Variants in EFCAB6 observed in about 807,000 individuals in gnomAD.
EFCAB6 encodes the protein EF-hand calcium binding domain 6.
EFCAB6 carries 156 observed loss-of-function variants against 169.8 expected under a neutral mutation model. The observed-to-expected ratio is 0.92, with a 90% CI of 0.81 to 1.05. The LOEUF (loss-of-function observed/expected upper bound fraction) is 1.05, where lower values mean the gene tolerates loss of function less well. Ranked by LOEUF, EFCAB6 falls within the 50% of genes least tolerant of loss-of-function variation. EFCAB6 has a pLI of 0.00. For missense variants in EFCAB6, 1,800 were observed against 1,829.1 expected, an observed-to-expected ratio of 0.98 and a Z score of 0.29; for synonymous variants, 698 against 676.4, an observed-to-expected ratio of 1.03 and a Z score of -0.50.
At position 43,755,470 on chromosome 22, in the gene EFCAB6, A is replaced by G. The variant is rs2060922733; in HGVS notation, c.507+296T>C. 2.0e-5 allele frequency among the ~76,000 whole-genome samples: 3 copies of G among 152,266 alleles called. No homozygotes were observed. In the South Asian group the frequency reaches 6.2e-4, roughly 32 times the overall value. ...AGAAAAACCTACTCAGTCTTAGACA[A>G]AGACAGAAAAGGCAGCCCTACTAAT... On this transcript the variant is annotated intron_variant, in intron 6 of 31. Transcript: ENST00000262726.
chr22:43,560,666 G>T (rs1008424129), intron 26 of EFCAB6, among the ~76,000 whole-genome samples: 1 of 152,166 alleles, frequency 6.6e-6, no homozygotes, highest in Non-Finnish European at 1.5e-5. Flanking sequence ...AGTGCAGGTG[G>T]AAAGAGATTA....
intron 20 of EFCAB6, among the ~76,000 whole-genome samples, chr22:43,617,497 A>T (rs2053774396): frequency 6.6e-6 from 1 of 152,234 alleles, no homozygotes; most frequent in African/African-American, 2.4e-5. Context: ...ATCCATGAGC[A>T]AACCAATGAA....
intron 18 of EFCAB6, 40 bp downstream of exon 18, chr22:43,635,062 A>G (rs376029707): frequency 1.3e-6 from 2 of 1,545,650 alleles, no homozygotes; most frequent in East Asian, 2.2e-5. Flanking sequence ...AGTGTCACCC[A>G]GGACGCATCC....
chr22:43,787,381 CA>C (rs1569489463), intron 2 of EFCAB6, among the ~76,000 whole-genome samples: 3 of 144,452 alleles, frequency 2.1e-5, no homozygotes, highest in African/African-American at 7.7e-5. Context: ...CACACACACA[CA>C]CAATTAGAAC....
intron 10 of EFCAB6, among the ~76,000 whole-genome samples, chr22:43,703,160 GC>G (rs886634493): frequency 3.2e-4 from 49 of 152,224 alleles, no homozygotes; most frequent in African/African-American, 1.2e-3. Context: ...CTACTCTGTG[GC>G]CCAGCCCAAT....
chr22:43,775,892 G>A (rs958958075), intron 3 of EFCAB6, among the ~76,000 whole-genome samples: 125 of 152,326 alleles, frequency 8.2e-4, no homozygotes, highest in African/African-American at 2.9e-3. Flanking sequence ...CTAGCCATTC[G>A]AGGACTCTGG....
chr22:43,790,430 A>G (rs1237264406), intron 2 of EFCAB6, among the ~76,000 whole-genome samples: 1 of 152,254 alleles, frequency 6.6e-6, no homozygotes, highest in Admixed American at 6.5e-5. Context: ...GACCTTGTGG[A>G]TCTTATACTG....
intron 26 of EFCAB6, among the ~76,000 whole-genome samples, chr22:43,558,476 T>C (rs1315962468): frequency 2.6e-5 from 4 of 152,310 alleles, no homozygotes; most frequent in South Asian, 2.1e-4. Context: ...AACTGAAGGA[T>C]TGTGGCAACC....
intron 17 of EFCAB6, among the ~76,000 whole-genome samples, chr22:43,659,008 T>C (rs1011317548): frequency 6.6e-6 from 1 of 152,220 alleles, no homozygotes; most frequent in African/African-American, 2.4e-5. Context: ...TGAATCTGAC[T>C]AGGCCTCACA....
chr22:43,617,115 C>T (rs1163794088), intron 20 of EFCAB6, among the ~76,000 whole-genome samples: 10 of 152,182 alleles, frequency 6.6e-5, no homozygotes, highest in African/African-American at 9.7e-5. Flanking sequence ...CATGGAATTT[C>T]GAGGGTGGAA....
chr22:43,615,815 C>A lies in EFCAB6; in HGVS notation c.2562+11G>T. 1 of 1,601,666 alleles carries A rather than the reference C, an allele frequency of 6.2e-7. No homozygotes were observed. Among genetic ancestry groups the A allele is most frequent in the Non-Finnish European group, 8.5e-7 (1 of 1,171,906 alleles). ...TTTTCTTTCCTTTTAAGGAAATAAT[C>A]ATTTTCTTACCTTAGACAAGTCTGA... is the stretch of plus-strand genomic sequence containing the variant. On this transcript the variant is annotated intron_variant, in intron 21 of 31. Coordinates refer to ENST00000262726, the MANE Select transcript of EFCAB6 (RefSeq NM_022785.4).
At chr22:43,614,174 C>A (rs1256243585) in intron 21 of EFCAB6, among the ~76,000 whole-genome samples, 1 of 9,754 alleles carries the variant, frequency 1.0e-4, no homozygotes, top group Non-Finnish European at 1.7e-4. Context: ...CAACACAATA[C>A]TGCAAAAAAA....
intron 17 of EFCAB6, among the ~76,000 whole-genome samples, chr22:43,637,939 G>A (rs1043023307): frequency 5.9e-5 from 9 of 152,228 alleles, no homozygotes; most frequent in African/African-American, 2.2e-4. Context: ...CATATGTACT[G>A]GATCGTAAGG....
In EFCAB6 at chr22:43,782,325, CCT is replaced by C. The variant is rs2061853198; in HGVS notation, c.-7-2_-7-1del. The stretch of plus-strand genomic sequence containing the variant: ...TAATCGCCATTTTGCACATTAAATC[CCT>C]GTGATATAAAAGAAAACAGATTACG... On this transcript the variant is annotated splice_acceptor_variant, in intron 2 of 31. Coordinates refer to ENST00000262726, the MANE Select transcript of EFCAB6 (RefSeq NM_022785.4). LOFTEE classifies it low-confidence loss of function (5UTR_SPLICE). 6.2e-7 allele frequency: 1 copy of C among 1,610,092 alleles called. No homozygotes were observed. The highest frequency in any genetic ancestry group is 1.7e-5 in the Admixed American group (1 of 58,906).
At chr22:43,560,987 A>G (rs944126898) in intron 26 of EFCAB6, among the ~76,000 whole-genome samples, 3 of 152,150 alleles carry the variant, frequency 2.0e-5, no homozygotes, top group Admixed American at 6.5e-5. Flanking sequence ...CCTCCATTGC[A>G]TGGAGGTGGC....
At chr22:43,798,919 A>G (rs1603386105) in intron 2 of EFCAB6, among the ~76,000 whole-genome samples, 1 of 152,202 alleles carries the variant, frequency 6.6e-6, no homozygotes, top group African/African-American at 2.4e-5. Context: ...GATTACAGAA[A>G]CAGCCTCTGA....
chr22:43,701,849 A>C (rs2058778414), intron 10 of EFCAB6, among the ~76,000 whole-genome samples: 1 of 152,178 alleles, frequency 6.6e-6, no homozygotes, highest in East Asian at 1.9e-4. Flanking sequence ...TTATGTTAAA[A>C]TGTAAACTTC....
intron 17 of EFCAB6, among the ~76,000 whole-genome samples, chr22:43,642,285 C>A (rs1008958638): frequency 6.6e-6 from 1 of 152,034 alleles, no homozygotes; most frequent in African/African-American, 2.4e-5. Flanking sequence ...AAACCTGTAG[C>A]CTAAATTCTT....
chr22:43,635,076 A>G, intron 18 of EFCAB6, 26 bp downstream of exon 18: 11 of 1,592,604 alleles, frequency 6.9e-6, no homozygotes, highest in Non-Finnish European at 8.6e-6. Flanking sequence ...CGCATCCCAC[A>G]GGGTGTGGAC....
Sources: gnomAD v4.1 joint callset for allele counts (sites outside exome capture counted in the v4.1 genomes callset) on GRCh38, gnomAD v4.1.1 for gene constraint, MANE v1.5 for transcripts, NCBI Gene and HGNC (gene_info 2026-07-23, HGNC 2026-07-21) for gene names.